Variants in ARSB observed in about 807,000 individuals in gnomAD.
The protein encoded by ARSB is arylsulfatase B, also known as N-acetylgalactosamine-4-sulfatase.
Under a neutral mutation model 50.9 loss-of-function variants are expected in ARSB, and 41 were observed. That is an observed-to-expected ratio of 0.81 (90% CI 0.63 to 1.04). The LOEUF (loss-of-function observed/expected upper bound fraction) is 1.04, where lower values mean the gene tolerates loss of function less well. Among genes scored for constraint, ARSB ranks in the 50% least tolerant of loss-of-function variants. The pLI is 0.00. For synonymous variants in ARSB, 269 were observed against 284.8 expected, an observed-to-expected ratio of 0.94 and a Z score of 0.56; for missense variants, 672 against 693.3, an observed-to-expected ratio of 0.97 and a Z score of 0.35.
intron 4 of ARSB, among the ~76,000 whole-genome samples, chr5:78,887,803 A>T (rs1475955120): frequency 6.6e-6 from 1 of 152,210 alleles, no homozygotes; most frequent in East Asian, 1.9e-4. Context: ...TATCCCTAGT[A>T]TAGAGTGGGC....
intron 6 of ARSB, among the ~76,000 whole-genome samples, chr5:78,783,767 A>G (rs1241748439): frequency 6.6e-6 from 1 of 152,188 alleles, no homozygotes; most frequent in Non-Finnish European, 1.5e-5. Context: ...AAATTTAACT[A>G]TCTCATCTAT....
At chr5:78,886,254 G>A (rs552653336) in intron 4 of ARSB, among the ~76,000 whole-genome samples, 15 of 152,272 alleles carry the variant, frequency 9.9e-5, no homozygotes, top group African/African-American at 3.1e-4. Context: ...CTCCTTATAG[G>A]TGGAGACAAA....
chr5:78,958,564 A>G (rs541217975), intron 3 of ARSB, among the ~76,000 whole-genome samples: 8 of 152,360 alleles, frequency 5.3e-5, no homozygotes, highest in African/African-American at 1.9e-4. Flanking sequence ...CTTAGTAGCT[A>G]AAGACATTAC....
Position 78,969,043 on chromosome 5 carries a change from T to C in ARSB, c.462A>G (p.Glu154=). Residue 154 remains glutamate, a synonymous_variant, in exon 2 of 8, where the codon GAA becomes GAG. Coordinates refer to ENST00000264914, the MANE Select transcript of ARSB (RefSeq NM_000046.5). The part of the protein sequence containing the change: ...GKWHLGMYRK[E]CLPTRRGFDT... ...CAAATCCTCGGCGGGTTGGAAGGCA[T>C]TCTTTCCGGTACATTCCCAGGTGCC... The C allele has an allele frequency of 6.2e-7, 1 of 1,614,222 alleles. No homozygotes were observed. The highest frequency in any genetic ancestry group is 8.5e-7 in the Non-Finnish European group (1 of 1,180,034).
chr5:78,822,756 G>C (rs1744286504), intron 6 of ARSB, among the ~76,000 whole-genome samples: 1 of 152,114 alleles, frequency 6.6e-6, no homozygotes, highest in Non-Finnish European at 1.5e-5. Flanking sequence ...TCCTGCCTCA[G>C]CCTCCTGAGT....
At position 78,955,581 on chromosome 5, in the gene ARSB, T is replaced by A. The variant is rs1224234880; in HGVS notation, c.691-79A>T. 4 of 1,192,542 alleles carry A rather than the reference T, an allele frequency of 3.4e-6. No homozygotes were observed. In the South Asian group the frequency reaches 3.7e-5, roughly 11 times the overall value. 73.9% of individuals were successfully genotyped at this position (1,192,542 alleles called of 1,614,324 possible). ...AGAAGGATAAGACAGTTCAGATTTATGCATTAATAAAAATAATATCAAGAC... is the reference window on the plus strand; with the variant it reads ...AGAAGGATAAGACAGTTCAGATTTAAGCATTAATAAAAATAATATCAAGAC... On this transcript the variant is annotated intron_variant, in intron 3 of 7. Transcript: ENST00000264914.
At chr5:78,841,168 C>CTACTACTACTAATAA (rs368030435) in intron 5 of ARSB, among the ~76,000 whole-genome samples, 4,918 of 131,882 alleles carry the variant, frequency 0.037, 145 homozygotes, top group Admixed American at 0.087. Context: ...ACTACTACTA[C>CTACTACTACTAATAA]TAATAATAAT....
At chr5:78,812,690 A>C (rs531746275) in intron 6 of ARSB, among the ~76,000 whole-genome samples, 7 of 152,018 alleles carry the variant, frequency 4.6e-5, no homozygotes, top group African/African-American at 1.7e-4. Flanking sequence ...ACTGGTACAC[A>C]TGAGTTTAAT....
intron 4 of ARSB, among the ~76,000 whole-genome samples, chr5:78,944,498 T>A (rs1751113619): frequency 6.6e-6 from 1 of 152,220 alleles, no homozygotes; most frequent in African/African-American, 2.4e-5. Flanking sequence ...CTTCTAACAG[T>A]CAGGACCGTC....
At chr5:78,817,594 A>G (rs185510912) in intron 6 of ARSB, among the ~76,000 whole-genome samples, 7 of 152,256 alleles carry the variant, frequency 4.6e-5, no homozygotes, top group Non-Finnish European at 7.4e-5. Context: ...GAATCACCTA[A>G]GGTCAGGAGT....
At position 78,815,819 on chromosome 5, in the gene ARSB, T is replaced by A; in HGVS notation, c.1213+23537A>T. 4 of 1,315,346 alleles carry A rather than the reference T, an allele frequency of 3.0e-6. 1 individual carries two copies. The highest frequency in any genetic ancestry group is 3.9e-6 in the Non-Finnish European group (4 of 1,028,232). The allele number at this position is 1,315,346 out of a possible 1,614,324, so 81.5% of individuals were successfully genotyped here. Reference sequence around the variant, plus strand: ...AACTTTGGTCTATGAAGGACACAAATGAATTCTCATCTTCAAAGATATTTT... The same window carrying A: ...AACTTTGGTCTATGAAGGACACAAAAGAATTCTCATCTTCAAAGATATTTT... On this transcript the variant is annotated intron_variant, in intron 6 of 7. Coordinates refer to ENST00000264914, the MANE Select transcript of ARSB (RefSeq NM_000046.5).
At chr5:78,983,277 CT>C (rs1433176752) in intron 1 of ARSB, among the ~76,000 whole-genome samples, 1 of 152,146 alleles carries the variant, frequency 6.6e-6, no homozygotes, top group Non-Finnish European at 1.5e-5. Flanking sequence ...TGGTCTCGAA[CT>C]CCTGACCTCA....
rs534296927 is a variant in ARSB, at chr5:78,984,797, G to C, written c.312+140C>G. ...GCCTGGAAGAGCGAGGTTGGGGCGA[G>C]AAGCCGCCGGGACCCATAACTGGGT... On this transcript the variant is annotated intron_variant, in intron 1 of 7. Coordinates refer to ENST00000264914, the MANE Select transcript of ARSB (RefSeq NM_000046.5). 9.8e-6 allele frequency: 6 copies of C among 614,386 alleles called. No homozygotes were observed. The East Asian group carries it at 1.9e-4, about 20-fold the overall frequency. The allele number at this position is 614,386 out of a possible 1,614,324, so 38.1% of individuals were successfully genotyped here. A position where few individuals can be genotyped will look rare whatever the true frequency, so the allele number is the denominator to read the frequency against.
At chr5:78,808,815 G>A (rs1743684761) in intron 6 of ARSB, among the ~76,000 whole-genome samples, 1 of 152,236 alleles carries the variant, frequency 6.6e-6, no homozygotes, top group Non-Finnish European at 1.5e-5. Flanking sequence ...ATGCTGGAGG[G>A]ACACAGGATG....
At chr5:78,811,196 T>G (rs1283411330) in intron 6 of ARSB, among the ~76,000 whole-genome samples, 1 of 152,228 alleles carries the variant, frequency 6.6e-6, no homozygotes, top group African/African-American at 2.4e-5. Context: ...TATACTATCC[T>G]GGTCTTGCCC....
chr5:78,968,353 TA>T (rs1752299975), intron 2 of ARSB, among the ~76,000 whole-genome samples: 1 of 125,610 alleles, frequency 8.0e-6, no homozygotes, highest in African/African-American at 3.3e-5. Context: ...TTATTATTAT[TA>T]TTATTATTTT....
chr5:78,895,454 T>C (rs568502786), intron 4 of ARSB, among the ~76,000 whole-genome samples: 3 of 152,338 alleles, frequency 2.0e-5, no homozygotes, highest in Admixed American at 1.3e-4. Context: ...AAGGATGGTT[T>C]AGACCTAGCA....
At chr5:78,797,141 G>A (rs1236128410) in intron 6 of ARSB, among the ~76,000 whole-genome samples, 6 of 152,138 alleles carry the variant, frequency 3.9e-5, no homozygotes, top group Non-Finnish European at 1.5e-5. Flanking sequence ...GCCTCCCAAA[G>A]TGCTGGGATT....
At chr5:78,809,649 A>G (rs1432356284) in intron 6 of ARSB, among the ~76,000 whole-genome samples, 1 of 152,244 alleles carries the variant, frequency 6.6e-6, no homozygotes, top group African/African-American at 2.4e-5. Context: ...GCCTGCGGCC[A>G]GGCCTAACAC....
Sources: allele counts gnomAD v4.1 joint callset (sites outside exome capture counted in the v4.1 genomes callset), GRCh38; gene constraint gnomAD v4.1.1; transcripts MANE v1.5; gene names NCBI Gene and HGNC (gene_info 2026-07-23, HGNC 2026-07-21).